NAALADL2: variants seen among roughly 807,000 people sequenced by gnomAD.
NAALADL2 encodes the protein N-acetylated alpha-linked acidic dipeptidase like 2.
Under a neutral mutation model 87.2 loss-of-function variants are expected in NAALADL2, and 76 were observed. That is an observed-to-expected ratio of 0.87 (90% confidence interval 0.72 to 1.05). The LOEUF is 1.05. Among genes scored for constraint, NAALADL2 ranks in the 50% least tolerant of loss-of-function variants. The pLI is 0.00. For synonymous variants in NAALADL2, 354 were observed against 331.0 expected, an observed-to-expected ratio of 1.07 and a Z score of -0.75; for missense variants, 1,089 against 945.8, an observed-to-expected ratio of 1.15 and a Z score of -1.99.
chr3:174,464,395 G>A (rs1467849869), intron 1 of NAALADL2, among the ~76,000 whole-genome samples: 1 of 127,834 alleles, frequency 7.8e-6, no homozygotes, highest in Non-Finnish European at 1.8e-5. Flanking sequence ...TTTTTTTTTG[G>A]TGCAATTTTA....
At chr3:174,850,642 G>T (rs1023259647) in intron 3 of NAALADL2, among the ~76,000 whole-genome samples, 14 of 152,098 alleles carry the variant, frequency 9.2e-5, no homozygotes, top group Non-Finnish European at 1.5e-4. Flanking sequence ...TGGAACTAAA[G>T]ATAGAGACCC....
chr3:175,759,673 G>A (rs1475083405), intron 13 of NAALADL2, among the ~76,000 whole-genome samples: 1 of 152,172 alleles, frequency 6.6e-6, no homozygotes, highest in African/African-American at 2.4e-5. Flanking sequence ...ACTTTATAGG[G>A]AAAGTGAAAG....
intron 4 of NAALADL2, among the ~76,000 whole-genome samples, chr3:175,258,394 C>G (rs1001843615): frequency 4.0e-5 from 6 of 150,846 alleles, no homozygotes; most frequent in African/African-American, 1.5e-4. Flanking sequence ...CAGATCCCGT[C>G]TTGAATGTGT....
At chr3:175,016,169 A>T (rs961313892) in intron 1 of NAALADL2, among the ~76,000 whole-genome samples, 1 of 150,248 alleles carries the variant, frequency 6.7e-6, no homozygotes, top group African/African-American at 2.4e-5. Flanking sequence ...AGACCAAATC[A>T]TACTATTTTC....
chr3:175,674,127 T>A (rs2149854357), intron 11 of NAALADL2, among the ~76,000 whole-genome samples: 1 of 152,260 alleles, frequency 6.6e-6, no homozygotes, highest in East Asian at 1.9e-4. Flanking sequence ...AATAGCATAC[T>A]CACTACATCC....
intron 1 of NAALADL2, among the ~76,000 whole-genome samples, chr3:174,921,256 G>A (rs1018637439): frequency 5.3e-5 from 8 of 152,068 alleles, no homozygotes; most frequent in African/African-American, 1.7e-4. Context: ...ATAAAATGAG[G>A]TATGCTTGTA....
intron 1 of NAALADL2, among the ~76,000 whole-genome samples, chr3:174,942,317 G>A (rs55927807): frequency 0.09 from 13,652 of 152,056 alleles, 1,061 homozygotes; most frequent in African/African-American, 0.21. Flanking sequence ...ATATGAAATT[G>A]TTGGTTGCAT....
At chr3:174,621,935 C>T (rs1004212362) in intron 2 of NAALADL2, among the ~76,000 whole-genome samples, 1 of 152,136 alleles carries the variant, frequency 6.6e-6, no homozygotes, top group African/African-American at 2.4e-5. Flanking sequence ...TAGCATTCAT[C>T]TGTTTGCTTC....
chr3:175,731,936 G>A (rs1451048230), intron 11 of NAALADL2, among the ~76,000 whole-genome samples: 1 of 151,622 alleles, frequency 6.6e-6, no homozygotes, highest in African/African-American at 2.4e-5. Flanking sequence ...AGTGCAAACT[G>A]GAAAAAAAAT....
At chr3:174,687,886 C>A (rs1363565820) in intron 2 of NAALADL2, among the ~76,000 whole-genome samples, 1 of 152,046 alleles carries the variant, frequency 6.6e-6, no homozygotes, top group Non-Finnish European at 1.5e-5. Context: ...CCTGCACAAG[C>A]TCTCTTGCCT....
intron 2 of NAALADL2, among the ~76,000 whole-genome samples, chr3:174,630,391 A>C (rs1421777818): frequency 7.2e-5 from 11 of 152,130 alleles, no homozygotes; most frequent in African/African-American, 2.7e-4. Context: ...AAAATGTGAA[A>C]ATTTTTTAAA....
intron 2 of NAALADL2, among the ~76,000 whole-genome samples, chr3:175,134,010 C>A (rs1012734742): frequency 2.0e-5 from 3 of 152,132 alleles, no homozygotes; most frequent in Non-Finnish European, 4.4e-5. Flanking sequence ...ATCTATCTGG[C>A]CTGTGACTAG....
chr3:174,880,524 C>G (rs1174396625), intron 1 of NAALADL2, among the ~76,000 whole-genome samples: 1 of 152,020 alleles, frequency 6.6e-6, no homozygotes, highest in Non-Finnish European at 1.5e-5. Flanking sequence ...CAATATCTGA[C>G]TAGTCTTCTG....
chr3:174,590,719 T>A (rs1717268305), intron 2 of NAALADL2, among the ~76,000 whole-genome samples: 1 of 152,190 alleles, frequency 6.6e-6, no homozygotes, highest in Non-Finnish European at 1.5e-5. Context: ...TAAACCTCAA[T>A]GTCTTAATCA....
At chr3:175,545,622 T>C (rs1713178384) in intron 9 of NAALADL2, among the ~76,000 whole-genome samples, 1 of 152,168 alleles carries the variant, frequency 6.6e-6, no homozygotes, top group African/African-American at 2.4e-5. Flanking sequence ...ACTATAATGT[T>C]AAATATTTAT....
intron 2 of NAALADL2, among the ~76,000 whole-genome samples, chr3:175,123,459 G>T (rs1726454300): frequency 6.6e-6 from 1 of 151,892 alleles, no homozygotes; most frequent in African/African-American, 2.4e-5. Flanking sequence ...ATAAAAATTT[G>T]ACATTGTTCT....
intron 9 of NAALADL2, among the ~76,000 whole-genome samples, chr3:175,488,412 C>A (rs1217574172): frequency 6.6e-6 from 1 of 152,218 alleles, no homozygotes; most frequent in Admixed American, 6.5e-5. Flanking sequence ...GAAATAATTT[C>A]TATGCCAGCT....
upstream of NAALADL2, among the ~76,000 whole-genome samples, chr3:174,858,021 C>T (rs1367947391): frequency 1.3e-5 from 2 of 150,734 alleles, no homozygotes; most frequent in African/African-American, 4.9e-5. Flanking sequence ...AATTAAAAAG[C>T]AATGGATTAT....
At chr3:174,723,887 A>G (rs1177467740) in intron 2 of NAALADL2, among the ~76,000 whole-genome samples, 1 of 152,076 alleles carries the variant, frequency 6.6e-6, no homozygotes, top group Non-Finnish European at 1.5e-5. Flanking sequence ...TCTATAATAA[A>G]TTCAAGGTTT....
Sources: gnomAD v4.1 joint callset for allele counts (sites outside exome capture counted in the v4.1 genomes callset) on GRCh38, gnomAD v4.1.1 for gene constraint, MANE v1.5 for transcripts, NCBI Gene and HGNC (gene_info 2026-07-23, HGNC 2026-07-21) for gene names.